The following ZNF589 variants were observed in gnomAD, a reference collection of about 807,000 sequenced individuals.
ZNF589 encodes KRAB-zinc finger protein SZF1-1.
Under a neutral mutation model 13.6 loss-of-function variants are expected in ZNF589, and 17 were observed. The observed-to-expected ratio is 1.25, with a 90% CI of 0.86 to 1.88. The LOEUF (loss-of-function observed/expected upper bound fraction) is 1.88. ZNF589 is among the 40% of genes most tolerant of loss of function. ZNF589 has a pLI of 0.00. For synonymous variants in ZNF589, 148 were observed against 161.6 expected, an observed-to-expected ratio of 0.92 and a Z score of 0.64; for missense variants, 407 against 434.0, an observed-to-expected ratio of 0.94 and a Z score of 0.55.
chr3:48,266,696 C>G (rs1351116967), intron 3 of ZNF589, among the ~76,000 whole-genome samples: 2 of 152,144 alleles, frequency 1.3e-5, no homozygotes, highest in African/African-American at 2.4e-5. Flanking sequence ...TGATTAGATT[C>G]AGATTATACA....
intron 1 of ZNF589, among the ~76,000 whole-genome samples, chr3:48,246,947 C>T (rs578124496): frequency 4.6e-5 from 7 of 152,184 alleles, no homozygotes; most frequent in African/African-American, 1.2e-4. Context: ...GGATTACAGG[C>T]GTGAGCCACC....
intron 1 of ZNF589, among the ~76,000 whole-genome samples, chr3:48,242,137 A>AG (rs994962025): frequency 1.3e-5 from 2 of 148,824 alleles, no homozygotes; most frequent in African/African-American, 5.0e-5. Flanking sequence ...TTGGAGACAG[A>AG]GTCTTGCTCT....
rs2034062943 is a variant in ZNF589, at chr3:48,269,318, C to T, written c.*532C>T. On this transcript the variant is annotated 3_prime_UTR_variant, in exon 4 of 4. Coordinates refer to ENST00000354698, the MANE Select transcript of ZNF589 (RefSeq NM_016089.3). The stretch of plus-strand genomic sequence containing the variant: ...GCGAGGCTTTATAGCTCAGTCAACC[C>T]TCCACTACCACCGGAGTACACACTC... 7.1e-7 allele frequency: 1 copy of T among 1,399,890 alleles called. No individual in the cohort carries two copies. Among genetic ancestry groups the T allele is most frequent in the Admixed American group, 1.9e-5 (1 of 52,122 alleles). 86.7% of individuals were successfully genotyped at this position (1,399,890 alleles called of 1,614,324 possible). A position where few individuals can be genotyped will look rare whatever the true frequency, so the allele number is the denominator to read the frequency against.
chr3:48,250,096 C>G (rs1224342515), intron 2 of ZNF589, among the ~76,000 whole-genome samples: 2 of 151,486 alleles, frequency 1.3e-5, no homozygotes, highest in Non-Finnish European at 2.9e-5. Context: ...CCACTGCACT[C>G]CAGCCCAGGT....
chr3:48,256,262 A>C, intron 2 of ZNF589: 2 of 384,866 alleles, frequency 5.2e-6, no homozygotes, highest in Non-Finnish European at 1.0e-5. Context: ...GTGGGGCAGG[A>C]GTATAGTTGT....
intron 3 of ZNF589, among the ~76,000 whole-genome samples, chr3:48,264,885 T>C (rs1322580481): frequency 1.3e-5 from 2 of 152,184 alleles, no homozygotes; most frequent in East Asian, 3.8e-4. Flanking sequence ...CTCACTCCCA[T>C]TCCATTCTTC....
chr3:48,266,552 G>A lies in ZNF589; in HGVS notation c.224-1363G>A, dbSNP rs193097481. On this transcript the variant is annotated intron_variant, in intron 3 of 3. Transcript: ENST00000354698. ...TGACTAAAGCCAAATAGGGCCGGGCGCCGTGGCTCACGCCTGTAATCCCAG... is the reference window on the plus strand; with the variant it reads ...TGACTAAAGCCAAATAGGGCCGGGCACCGTGGCTCACGCCTGTAATCCCAG... Among the ~76,000 whole-genome samples the A allele has an allele frequency of 1.4e-3, 208 of 152,298 alleles. 3 individuals carry two copies. The highest frequency in any genetic ancestry group is 4.8e-3 in the African/African-American group (199 of 41,562).
chr3:48,262,804 G>A (rs946704785), intron 3 of ZNF589, among the ~76,000 whole-genome samples: 1 of 152,034 alleles, frequency 6.6e-6, no homozygotes, highest in Non-Finnish European at 1.5e-5. Context: ...ATGGTAGGTT[G>A]TAAATCAAGA....
At chr3:48,262,090 C>CT (rs2033973539) in intron 3 of ZNF589, among the ~76,000 whole-genome samples, 1 of 152,194 alleles carries the variant, frequency 6.6e-6, no homozygotes, top group South Asian at 2.1e-4. Flanking sequence ...CTCTACATCA[C>CT]TTTTTCTCTT....
At chr3:48,254,726 G>A (rs1173566074) in intron 2 of ZNF589, among the ~76,000 whole-genome samples, 2 of 151,956 alleles carry the variant, frequency 1.3e-5, no homozygotes, top group African/African-American at 4.8e-5. Flanking sequence ...TTGGTGCTCT[G>A]TGTGTATGTG....
In ZNF589 at chr3:48,260,194, A is replaced by G. The variant is rs144571488; in HGVS notation, c.97-619A>G. Among the ~76,000 whole-genome samples the G allele has an allele frequency of 3.8e-3, 580 of 152,172 alleles. 2 individuals carry two copies. The highest frequency in any genetic ancestry group is 0.013 in the African/African-American group (537 of 41,510). On this transcript the variant is annotated intron_variant, in intron 2 of 3. Transcript: ENST00000354698. ...CTCTGGTCACCCAGGCTGGAGTGCA[A>G]TGGTGCGATCTCAGCTCACTGTAGC... is the stretch of plus-strand genomic sequence containing the variant.
chr3:48,256,925 T>C (rs1191689965), intron 2 of ZNF589: 2 of 693,952 alleles, frequency 2.9e-6, no homozygotes, highest in South Asian at 2.9e-5. Flanking sequence ...CACCAGAGCC[T>C]CAAAGGCCGC....
At chr3:48,245,142 C>G (rs138472863) in intron 1 of ZNF589, among the ~76,000 whole-genome samples, 5 of 152,048 alleles carry the variant, frequency 3.3e-5, no homozygotes, top group Non-Finnish European at 2.9e-5. Flanking sequence ...AGGGTTTCCC[C>G]GGCTCTGTCA....
chr3:48,247,587 A>G (rs1027974968), intron 1 of ZNF589, 38 bp from the exon 2 acceptor site: 1 of 1,610,528 alleles, frequency 6.2e-7, no homozygotes, highest in Non-Finnish European at 8.5e-7. Context: ...TGGGCCTGGT[A>G]GGGCTGGCTT....
rs1038161268 is a variant in ZNF589, at chr3:48,269,495, C to A, written c.*709C>A. On this transcript the variant is annotated 3_prime_UTR_variant, in exon 4 of 4. Coordinates refer to ENST00000354698, the MANE Select transcript of ZNF589 (RefSeq NM_016089.3). ...TGGCCGGAAGATACTCCTCAACAGA[C>A]ACTGGAGGACACACACAGGAGAGAA... The A allele has an allele frequency of 2.5e-6, 1 of 398,740 alleles. No homozygotes were observed. 24.7% of individuals were successfully genotyped at this position (398,740 alleles called of 1,614,324 possible).
chr3:48,259,918 CAAAA>C (rs538817691), intron 2 of ZNF589, among the ~76,000 whole-genome samples: 3 of 98,148 alleles, frequency 3.1e-5, no homozygotes, highest in Non-Finnish European at 4.1e-5. Context: ...GACTCCGTAT[CAAAA>C]AAAAAAAAAA....
At position 48,260,850 on chromosome 3, in the gene ZNF589, C is replaced by T. The variant is rs201589977; in HGVS notation, c.134C>T (p.Thr45Ile). 5.6e-5 allele frequency: 90 copies of T among 1,614,164 alleles called. No individual in the cohort carries two copies. Among genetic ancestry groups the T allele is most frequent in the Non-Finnish European group, 7.3e-5 (86 of 1,180,026 alleles). ...VTFEDVAVLF[T>I]EAEWKRLSLE... ...TTCGAGGATGTGGCTGTGCTTTTCACTGAGGCAGAGTGGAAGAGACTGAGC... is the reference window on the plus strand; with the variant it reads ...TTCGAGGATGTGGCTGTGCTTTTCATTGAGGCAGAGTGGAAGAGACTGAGC... The change falls in exon 3 of 4, where the codon ACT becomes ATT. Residue 45 changes from threonine (T) to isoleucine (I), a missense_variant. Transcript: ENST00000354698.
intron 2 of ZNF589, among the ~76,000 whole-genome samples, chr3:48,251,431 G>A (rs1004823974): frequency 2.0e-5 from 3 of 151,076 alleles, no homozygotes; most frequent in Admixed American, 1.3e-4. Flanking sequence ...GTGGCGATGC[G>A]TACCTGTAAT....
At chr3:48,261,969 T>C (rs2033972364) in intron 3 of ZNF589, among the ~76,000 whole-genome samples, 1 of 152,218 alleles carries the variant, frequency 6.6e-6, no homozygotes, top group Non-Finnish European at 1.5e-5. Flanking sequence ...TATGTTAAAA[T>C]TGCCTTAAAA....
Sources: gnomAD v4.1 joint callset for allele counts (sites outside exome capture counted in the v4.1 genomes callset) on GRCh38, gnomAD v4.1.1 for gene constraint, MANE v1.5 for transcripts, NCBI Gene and HGNC (gene_info 2026-07-23, HGNC 2026-07-21) for gene names.